SLC35A2: variants seen among roughly 807,000 people sequenced by gnomAD.
SLC35A2 encodes UDP-galactose translocator.
In SLC35A2, 1 loss-of-function variant was observed where a neutral mutation model predicts 17.3. The ratio of observed to expected loss-of-function variants is 0.06; its 90% CI spans 0.02 to 0.27. The LOEUF (loss-of-function observed/expected upper bound fraction) is 0.27. Among genes scored for constraint, SLC35A2 ranks in the 10% least tolerant of loss-of-function variants. The probability of loss-of-function intolerance (pLI) is 1.00; values close to 1 mark genes in which losing one functional copy is unlikely to be tolerated. For synonymous variants in SLC35A2, 161 were observed against 161.3 expected, an observed-to-expected ratio of 1.00 and a Z score of 0.01; for missense variants, 191 against 339.3, an observed-to-expected ratio of 0.56 and a Z score of 3.43.
chrX:48,903,410 G>GCCAGGCCAATGTCTTCAATC lies in SLC35A2; in HGVS notation c.*8_*27dup. On this transcript the variant is annotated 3_prime_UTR_variant, in exon 5 of 5. Coordinates refer to ENST00000247138, the MANE Select transcript of SLC35A2 (RefSeq NM_005660.3). ...GCCAAGGGCAAGAAGAGAGAACGAG[G>GCCAGGCCAATGTCTTCAATC]CCAGGCCAATGTCTTCAATCCCAGC... The GCCAGGCCAATGTCTTCAATC allele has an allele frequency of 1.2e-5, 7 of 575,575 alleles. No individual in the cohort carries two copies. Among genetic ancestry groups the GCCAGGCCAATGTCTTCAATC allele is most frequent in the Non-Finnish European group, 2.2e-5 (7 of 314,360 alleles). The allele number at this position is 575,575 out of a possible 1,213,427, so 47.4% of individuals were successfully genotyped here.
intron 4 of SLC35A2, chrX:48,904,163 C>T (rs2063467261): frequency 1.3e-6 from 1 of 780,212 alleles, no homozygotes; most frequent in African/African-American, 2.3e-5. Context: ...TGGGGACTCA[C>T]AAGAAGCCCA....
intron 1 of SLC35A2, among the ~76,000 whole-genome samples, chrX:48,911,104 A>G (rs2063530079): frequency 1.8e-5 from 2 of 110,607 alleles, no homozygotes; most frequent in South Asian, 7.8e-4. Flanking sequence ...CCCCATCCTC[A>G]AAATGGACCC....
At position 48,909,991 on chromosome X, in the gene SLC35A2, T is replaced by G; in HGVS notation, c.97A>C (p.Arg33=). The G allele has an allele frequency of 8.3e-7, 1 of 1,206,633 alleles. No individual in the cohort carries two copies. The highest frequency in any genetic ancestry group is 3.0e-5 in the East Asian group (1 of 33,764). ...GCTAGGGATATGTACTTCAGGCGCC[T>G]GTGAGCTGTGGGGAACGGAAGGGGC... is the stretch of plus-strand genomic sequence containing the variant. ...LEPGTASAAH[R]RLKYISLAVL... is the part of the protein sequence containing the mutation. The change falls in exon 2 of 5, where the codon AGG becomes CGG. Residue 33 remains arginine, a synonymous_variant. Coordinates refer to ENST00000247138, the MANE Select transcript of SLC35A2 (RefSeq NM_005660.3).
chrX:48,909,362 C>T (rs781859419), intron 2 of SLC35A2, among the ~76,000 whole-genome samples: 31 of 112,800 alleles, frequency 2.7e-4, no homozygotes, highest in Non-Finnish European at 5.6e-4. Context: ...AATATTACTT[C>T]GTGTGGGATT....
Position 48,911,030 on chromosome X carries a change from T to C in SLC35A2, c.91+516A>G, listed in dbSNP as rs782171347. The stretch of plus-strand genomic sequence containing the variant: ...TGAGCCCTCCCACCCGAATGTACAA[T>C]GAACTCTACCTCCATTAGGAGGGAG... On this transcript the variant is annotated intron_variant, in intron 1 of 4. Transcript: ENST00000247138. Among the ~76,000 whole-genome samples, 6 of 110,790 alleles carry C rather than the reference T, an allele frequency of 5.4e-5. No homozygotes were observed. In the East Asian group the frequency reaches 1.4e-3, roughly 26 times the overall value.
In SLC35A2 at chrX:48,905,374, C is replaced by T. The variant is rs1060503676; in HGVS notation, c.535G>A (p.Val179Ile). 12 of 1,194,530 alleles carry T rather than the reference C, an allele frequency of 1.0e-5. No homozygotes were observed. The highest frequency in any genetic ancestry group is 1.8e-5 in the South Asian group (1 of 54,626). ...GCTTGCTGTGCCTGGACAATGGCGA[C>T]GCCAGTGAAGAGGAGCAGCAGGGAG... ...WASLLLLFTG[V>I]AIVQAQQAGG... is the part of the protein sequence containing the mutation. Residue 179 changes from valine (V) to isoleucine (I), a missense_variant, in exon 4 of 5, where the codon GTC becomes ATC. Physicochemically the swap from Val to Ile is conservative, Grantham distance 29. Around this residue, in one of 2 missense-constraint regions of SLC35A2, gnomAD observed 164 missense variants for 315.3 expected, o/e 0.52. Transcript: ENST00000247138.
chrX:48,906,949 C>T (rs2063494766), intron 2 of SLC35A2, among the ~76,000 whole-genome samples: 2 of 111,526 alleles, frequency 1.8e-5, no homozygotes, highest in South Asian at 3.7e-4. Flanking sequence ...GCAGGTGGCT[C>T]ATGAGGTTAG....
rs781910050 is a variant in SLC35A2 at position 48,905,108 on chromosome X, G to A, written c.801C>T (p.Tyr267=). 1.4e-5 allele frequency: 17 copies of A among 1,209,361 alleles called. No homozygotes were observed. Among genetic ancestry groups the A allele is most frequent in the Non-Finnish European group, 1.8e-5 (16 of 894,764 alleles). Residue 267 remains tyrosine (Y), a synonymous_variant, in exon 4 of 5, where the codon TAC becomes TAT. Coordinates refer to ENST00000247138, the MANE Select transcript of SLC35A2 (RefSeq NM_005660.3). ...GCACCACGCCCCAGACAGCAGGTGT[G>A]TACCCAAAAAAGAAACCACGGGTGG... ...AVATRGFFFG[Y]TPAVWGVVLN...
rs2063520974 is a variant in SLC35A2 at position 48,910,069 on chromosome X, AC to A, written c.92-74del. 55 of 977,102 alleles carry A rather than the reference AC, an allele frequency of 5.6e-5. No homozygotes were observed. The South Asian group carries it at 1.1e-3, about 20-fold the overall frequency. The allele number at this position is 977,102 out of a possible 1,213,427, so 80.5% of individuals were successfully genotyped here. The stretch of plus-strand genomic sequence containing the variant: ...CTGGGGCATAGCCACACCACCACCC[AC>A]CCCCTTTCTTTCTCACCCAGGACCC... On this transcript the variant is annotated intron_variant, in intron 1 of 4. Transcript: ENST00000247138.
chrX:48,908,579 G>C (rs1557043457), intron 2 of SLC35A2, among the ~76,000 whole-genome samples: 2 of 111,712 alleles, frequency 1.8e-5, no homozygotes, highest in Admixed American at 1.9e-4. Flanking sequence ...TCCGGGCAGG[G>C]GAGAGAGGGG....
chrX:48,907,394 C>T (rs1446010250), intron 2 of SLC35A2, among the ~76,000 whole-genome samples: 1 of 107,639 alleles, frequency 9.3e-6, no homozygotes, highest in Admixed American at 9.9e-5. Context: ...ACTACAGGCG[C>T]GTGCCACCAC....
At chrX:48,904,101 CCTT>C (rs1475091656) in intron 4 of SLC35A2, 11 of 766,680 alleles carry the variant, frequency 1.4e-5, no homozygotes, top group Non-Finnish European at 1.7e-5. Flanking sequence ...CCCTACCACA[CCTT>C]CTGCCAGAAG....
chrX:48,907,460 G>A (rs935793856), intron 2 of SLC35A2, among the ~76,000 whole-genome samples: 1 of 110,688 alleles, frequency 9.0e-6, no homozygotes, highest in Non-Finnish European at 1.9e-5. Context: ...TGTTAGCCAC[G>A]ATGGTCTTGA....
chrX:48,907,168 C>CA (rs781843221), intron 2 of SLC35A2, among the ~76,000 whole-genome samples: 173 of 52,034 alleles, frequency 3.3e-3, no homozygotes, highest in Middle Eastern at 0.035. Context: ...GACTCCATCT[C>CA]AAAAAAAAAA....
At chrX:48,910,688 CT>C (rs1330416016) in intron 1 of SLC35A2, among the ~76,000 whole-genome samples, 1 of 110,967 alleles carries the variant, frequency 9.0e-6, no homozygotes, top group African/African-American at 3.3e-5. Flanking sequence ...CCAGAATGGT[CT>C]CTCCAACCCC....
intron 1 of SLC35A2, 154 bp from the exon 2 acceptor site, chrX:48,910,150 C>A (rs1001841502): frequency 5.4e-5 from 48 of 886,312 alleles, no homozygotes; most frequent in Middle Eastern, 3.6e-4. Flanking sequence ...CAATAAGGGT[C>A]TGACTCCTAC....
At chrX:48,907,506 C>T (rs1368654141) in intron 2 of SLC35A2, among the ~76,000 whole-genome samples, 1 of 111,524 alleles carries the variant, frequency 9.0e-6, no homozygotes, top group Non-Finnish European at 1.9e-5. Context: ...CTCGGCCTCC[C>T]AAAGTTCTGG....
rs1557042870 is a variant in SLC35A2, at chrX:48,905,286, G to A, written c.623C>T (p.Ala208Val). The change falls in exon 4 of 5, where the codon GCC becomes GTC. Residue 208 changes from alanine to valine, a missense_variant. Physicochemically the swap from Ala to Val is moderately conservative, Grantham distance 64 (BLOSUM62 0). Coordinates refer to ENST00000247138, the MANE Select transcript of SLC35A2 (RefSeq NM_005660.3). ...NPGAGLAAVV[A>V]SCLSSGFAGV... ...TGCGAAGCCGGAGGAGAGACAGGAG[G>A]CCACGACGGCTGCCAGGCCTGCCCC... is the stretch of plus-strand genomic sequence containing the variant. 3 of 1,189,626 alleles carry A rather than the reference G, an allele frequency of 2.5e-6. No homozygotes were observed. Among genetic ancestry groups the A allele is most frequent in the East Asian group, 6.1e-5 (2 of 32,986 alleles).
In SLC35A2 at chrX:48,909,764, T is replaced by C. The variant is rs782374249; in HGVS notation, c.274+50A>G. The stretch of plus-strand genomic sequence containing the variant: ...ATCTGTGTGAACACACACACATACA[T>C]GTGGAGTCTCACCCACCGACCCCAG... On this transcript the variant is annotated intron_variant, in intron 2 of 4. Transcript: ENST00000247138. 41 of 1,040,529 alleles carry C rather than the reference T, an allele frequency of 3.9e-5. 1 individual carries two copies. In the Middle Eastern group the frequency reaches 7.6e-4, roughly 19 times the overall value. 85.8% of individuals were successfully genotyped at this position (1,040,529 alleles called of 1,213,427 possible).
Sources: allele counts gnomAD v4.1 joint callset (sites outside exome capture counted in the v4.1 genomes callset), GRCh38; gene constraint gnomAD v4.1.1; regional missense constraint gnomAD v4.1.1; transcripts MANE v1.5; gene names NCBI Gene and HGNC (gene_info 2026-07-23, HGNC 2026-07-21).